Variants in KIF19 observed in about 807,000 individuals in gnomAD.
KIF19 encodes kinesin-like protein KIF19.
Under a neutral mutation model 106.6 loss-of-function variants are expected in KIF19, and 98 were observed. The observed-to-expected ratio is 0.92, with a 90% CI of 0.78 to 1.09. KIF19 has a LOEUF of 1.09. Ranked by LOEUF, KIF19 falls within the 50% of genes least tolerant of loss-of-function variation. KIF19 has a pLI of 0.00. For synonymous variants in KIF19, 516 were observed against 584.2 expected (o/e 0.88, Z 1.68); for missense variants, 1,373 against 1,414.3 (o/e 0.97, Z 0.47).
Position 74,349,170 on chromosome 17 carries a change from C to T in KIF19, c.1048-14C>T, listed in dbSNP as rs766468051. The T allele has an allele frequency of 2.4e-5, 38 of 1,613,484 alleles. No homozygotes were observed. In the East Asian group the frequency reaches 6.2e-4, roughly 26 times the overall value. The stretch of plus-strand genomic sequence containing the variant: ...GTGACTGCATCCCCTCCGCTCCATA[C>T]GTGTTCCCTGCAGGTGAAGCAGAAC... On this transcript the variant is annotated splice_polypyrimidine_tract_variant and intron_variant, in intron 9 of 19. Coordinates refer to ENST00000389916, the MANE Select transcript of KIF19 (RefSeq NM_153209.4).
intron 3 of KIF19, 56 bp downstream of exon 3, chr17:74,342,042 C>CTCCTG: frequency 2.2e-6 from 3 of 1,368,174 alleles, no homozygotes; most frequent in Non-Finnish European, 3.1e-6. Flanking sequence ...CCCTTAGCCC[C>CTCCTG]ACTCAGGAGG....
rs2054522429 is a variant in KIF19 at position 74,346,078 on chromosome 17, C to T, written c.778-300C>T. ...GCTCCCAGCTGAGCTGCCTGGAAAG[C>T]AACCTCCCTCCCATCTCATCCATGG... On this transcript the variant is annotated intron_variant, in intron 7 of 19. Coordinates refer to ENST00000389916, the MANE Select transcript of KIF19 (RefSeq NM_153209.4). This position sits in a 1 kb window ranked among gnomAD's most constrained non-coding sequence, Gnocchi z 4.6. 6.6e-6 allele frequency among the ~76,000 whole-genome samples: 1 copy of T among 152,252 alleles called. No individual in the cohort carries two copies. The highest frequency in any genetic ancestry group is 2.4e-5 in the African/African-American group (1 of 41,470).
chr17:74,344,953 C>A lies in KIF19; in HGVS notation c.775C>A (p.Gln259Lys). The A allele has an allele frequency of 1.2e-6, 2 of 1,600,030 alleles. No homozygotes were observed. The highest frequency in any genetic ancestry group is 2.2e-5 in the East Asian group (1 of 44,548). Residue 259 changes from glutamine (Q) to lysine (K), a missense_variant and splice_region_variant, in exon 7 of 20, where the codon CAG becomes AAG. Physicochemically the swap from Gln to Lys is moderately conservative, Grantham distance 53. Coordinates refer to ENST00000389916, the MANE Select transcript of KIF19 (RefSeq NM_153209.4). ...IDLAGSERAS[Q>K]TQNRGQRMKE... ...CCTGGCTGGCTCAGAGCGCGCCTCGCAGGTGAGGCTGGGACCTGGGCTGGG... is the reference window on the plus strand; with the variant it reads ...CCTGGCTGGCTCAGAGCGCGCCTCGAAGGTGAGGCTGGGACCTGGGCTGGG...
chr17:74,350,364 C>A, intron 10 of KIF19, 37 bp from the exon 11 acceptor site: 1 of 1,533,718 alleles, frequency 6.5e-7, no homozygotes, highest in East Asian at 2.4e-5. Flanking sequence ...CTGAACTTGC[C>A]GCCTCCTCTA....
chr17:74,353,219 C>G lies in KIF19; in HGVS notation c.2138C>G (p.Ala713Gly). The change falls in exon 16 of 20, where the codon GCT becomes GGT. Residue 713 changes from alanine to glycine, a missense_variant. Coordinates refer to ENST00000389916, the MANE Select transcript of KIF19 (RefSeq NM_153209.4). ...TESEGHHVFKAGTGAWQAKSS... is the reference protein window; with the variant it reads ...TESEGHHVFKGGTGAWQAKSS... ...AGTGAAGGCCACCACGTGTTCAAGG[C>G]TGGTACTGGGGCCTGGCAGGCAAAA... 6.3e-7 allele frequency: 1 copy of G among 1,588,462 alleles called. No homozygotes were observed. Among genetic ancestry groups the G allele is most frequent in the Non-Finnish European group, 8.6e-7 (1 of 1,167,718 alleles).
chr17:74,354,288 T>C lies in KIF19; in HGVS notation c.2435T>C (p.Leu812Pro), dbSNP rs2054810715. Residue 812 changes from leucine (L) to proline (P), a missense_variant, in exon 18 of 20, where the codon CTG becomes CCG. Leu to Pro is a moderately conservative substitution (Grantham distance 98). Coordinates refer to ENST00000389916, the MANE Select transcript of KIF19 (RefSeq NM_153209.4). ...APATERSSLSLHSLSEGDDAR... is the reference protein window; with the variant it reads ...APATERSSLSPHSLSEGDDAR... Reference sequence around the variant, plus strand: ...GCGACAGAGCGCAGCAGCCTGTCCCTGCACTCACTGAGCGAGGGCGACGAT... The same window carrying C: ...GCGACAGAGCGCAGCAGCCTGTCCCCGCACTCACTGAGCGAGGGCGACGAT... The C allele has an allele frequency of 6.2e-7, 1 of 1,608,820 alleles. No individual in the cohort carries two copies. The highest frequency in any genetic ancestry group is 2.2e-5 in the East Asian group (1 of 44,836).
rs377467622 is a variant in KIF19, at chr17:74,346,513, C to T, written c.913C>T (p.Arg305Trp). ...CAACTATCGCGACAGCAAGCTCACCCGGCTCCTGAAGGTACCAGCCACAGC... is the reference window on the plus strand; with the variant it reads ...CAACTATCGCGACAGCAAGCTCACCTGGCTCCTGAAGGTACCAGCCACAGC... ...YINYRDSKLT[R>W]LLKDSLGGNS... The change falls in exon 8 of 20, where the codon CGG becomes TGG. Residue 305 changes from arginine (R) to tryptophan (W), a missense_variant. By Grantham distance (101) the Arg-to-Trp change is moderately radical. Coordinates refer to ENST00000389916, the MANE Select transcript of KIF19 (RefSeq NM_153209.4). This position sits in a 1 kb window ranked among gnomAD's most constrained non-coding sequence, Gnocchi z 4.6. The T allele has an allele frequency of 6.4e-6, 10 of 1,550,854 alleles. No homozygotes were observed. The highest frequency in any genetic ancestry group is 4.1e-5 in the African/African-American group (3 of 73,022).
rs1012617332 is a variant in KIF19 at position 74,354,841 on chromosome 17, C to T, written c.2766C>T (p.His922=). 1.3e-6 allele frequency: 2 copies of T among 1,561,874 alleles called. No individual in the cohort carries two copies. The highest frequency in any genetic ancestry group is 8.7e-7 in the Non-Finnish European group (1 of 1,153,380). Residue 922 remains histidine (H), a synonymous_variant, in exon 19 of 20, where the codon CAC becomes CAT. Coordinates refer to ENST00000389916, the MANE Select transcript of KIF19 (RefSeq NM_153209.4). ...GPHQAERISD[H]RMPVCRHPAP... is the part of the protein sequence containing the mutation. The stretch of plus-strand genomic sequence containing the variant: ...ATCAGGCGGAGCGCATCTCGGACCA[C>T]AGGATGCCAGTGTGCAGGCACCCAG...
chr17:74,350,306 TG>T lies in KIF19; in HGVS notation c.1214-92del, dbSNP rs1391320280. On this transcript the variant is annotated intron_variant, in intron 10 of 19. Transcript: ENST00000389916. The stretch of plus-strand genomic sequence containing the variant: ...TGGACAGGAAGTGGGAGCACTGAGT[TG>T]GGAAGAAAAGGAGGGGAGGGGCCCA... The T allele has an allele frequency of 8.3e-6, 10 of 1,204,416 alleles. No individual in the cohort carries two copies. The East Asian group carries it at 2.3e-4, about 28-fold the overall frequency. 74.6% of individuals were successfully genotyped at this position (1,204,416 alleles called of 1,614,324 possible).
chr17:74,328,711 C>T, intron 2 of KIF19: 2 of 528,664 alleles, frequency 3.8e-6, no homozygotes, highest in South Asian at 4.4e-5. Context: ...CCAAGGACAA[C>T]TGGGAGCTTC....
Position 74,352,850 on chromosome 17 carries a change from A to G in KIF19, c.2010A>G (p.Ala670=). The G allele has an allele frequency of 1.2e-6, 2 of 1,614,008 alleles. No individual in the cohort carries two copies. The highest frequency in any genetic ancestry group is 1.7e-6 in the Non-Finnish European group (2 of 1,179,886). ...QDSSLPKITP[A]GTSLTPDSDL... ...GCTCCTTGCCCAAAATTACCCCAGC[A>G]GGAACCTCACTGACCCCAGATTCTG... Residue 670 remains alanine (A), a synonymous_variant, in exon 15 of 20, where the codon GCA becomes GCG. Coordinates refer to ENST00000389916, the MANE Select transcript of KIF19 (RefSeq NM_153209.4).
chr17:74,354,544 G>C lies in KIF19; in HGVS notation c.2691G>C (p.Glu897Asp). Reference protein sequence around the residue: ...KRRKRRSRSFEVTGQGLSHPK... With the variant: ...KRRKRRSRSFDVTGQGLSHPK... Reference sequence around the variant, plus strand: ...GGAAGCGGAGGTCCCGATCCTTCGAGGTCACCGGGCAAGGGGTGAGGCGAG... The same window carrying C: ...GGAAGCGGAGGTCCCGATCCTTCGACGTCACCGGGCAAGGGGTGAGGCGAG... The change falls in exon 18 of 20, where the codon GAG becomes GAC. Residue 897 changes from glutamate (E) to aspartate (D), a missense_variant. Coordinates refer to ENST00000389916, the MANE Select transcript of KIF19 (RefSeq NM_153209.4). 1 of 1,597,110 alleles carries C rather than the reference G, an allele frequency of 6.3e-7. No homozygotes were observed. Among genetic ancestry groups the C allele is most frequent in the South Asian group, 1.1e-5 (1 of 88,340 alleles).
At chr17:74,354,087 C>T (rs375950049) in intron 17 of KIF19, 75 bp from the exon 18 acceptor site, 22 of 1,488,076 alleles carry the variant, frequency 1.5e-5, no homozygotes, top group Non-Finnish European at 1.8e-5. Flanking sequence ...CTCCTACCCA[C>T]GTCTGCCATG....
chr17:74,349,100 G>C, intron 9 of KIF19, 84 bp from the exon 10 acceptor site: 1 of 1,433,798 alleles, frequency 7.0e-7, no homozygotes, highest in Non-Finnish European at 9.7e-7. Flanking sequence ...GGGGAGGCAG[G>C]GGGAAGAAAG....
intron 12 of KIF19, 167 bp downstream of exon 12, chr17:74,351,072 T>C: frequency 3.0e-6 from 2 of 659,728 alleles, no homozygotes; most frequent in Middle Eastern, 4.0e-4. Flanking sequence ...ATGCGTCACA[T>C]TCCCCACCTG....
At chr17:74,327,590 A>G (rs1219509069) in intron 1 of KIF19, among the ~76,000 whole-genome samples, 1 of 152,194 alleles carries the variant, frequency 6.6e-6, no homozygotes, top group Non-Finnish European at 1.5e-5. Context: ...CTCCTGCTTC[A>G]GCCTCCCGAG....
At chr17:74,330,254 G>GC (rs1274198086) in intron 2 of KIF19, among the ~76,000 whole-genome samples, 2 of 152,206 alleles carry the variant, frequency 1.3e-5, no homozygotes, top group Non-Finnish European at 2.9e-5. Context: ...CAGCTGTGCA[G>GC]CCTGGGGGGT....
chr17:74,333,172 TC>T (rs2054138211), intron 2 of KIF19, among the ~76,000 whole-genome samples: 1 of 152,236 alleles, frequency 6.6e-6, no homozygotes, highest in African/African-American at 2.4e-5. Context: ...TGGCCCTGGT[TC>T]CCCAAAGAGC....
At position 74,344,945 on chromosome 17, in the gene KIF19, G is replaced by A. The variant is rs565085903; in HGVS notation, c.767G>A (p.Arg256His). Residue 256 changes from arginine to histidine, a missense_variant, in exon 7 of 20, where the codon CGC (arginine) becomes CAC (histidine). This residue lies in a region of KIF19 where 348 missense variants were observed against 389.5 expected (regional missense o/e 0.89). Transcript: ENST00000389916. ...LFMIDLAGSE[R>H]ASQTQNRGQR... is the part of the protein sequence containing the mutation. ...ATGATCGACCTGGCTGGCTCAGAGC[G>A]CGCCTCGCAGGTGAGGCTGGGACCT... 27 of 1,603,384 alleles carry A rather than the reference G, an allele frequency of 1.7e-5. No individual in the cohort carries two copies. The highest frequency in any genetic ancestry group is 8.0e-5 in the African/African-American group (6 of 74,938).
Sources: gnomAD v4.1 joint callset for allele counts (sites outside exome capture counted in the v4.1 genomes callset) on GRCh38, gnomAD v4.1.1 for gene constraint, gnomAD v4.1.1 regional missense constraint, Gnocchi (gnomAD v3.1) non-coding constraint, MANE v1.5 for transcripts, NCBI Gene and HGNC (gene_info 2026-07-23, HGNC 2026-07-21) for gene names.